The following KIAA1328 variants were observed in gnomAD, a reference collection of about 807,000 sequenced individuals.
KIAA1328 encodes the protein KIAA1328.
In KIAA1328, 52 loss-of-function variants were observed where a neutral mutation model predicts 68.1. That is an observed-to-expected ratio of 0.76 (90% confidence interval 0.61 to 0.96). The LOEUF is 0.96. KIAA1328 is among the 40% of genes least tolerant of loss of function. KIAA1328 has a pLI of 0.00. For missense variants in KIAA1328, 641 were observed against 677.6 expected (o/e 0.95, Z 0.60); for synonymous variants, 232 against 239.4 (o/e 0.97, Z 0.28).
At chr18:37,116,677 A>G (rs1404548159) in intron 7 of KIAA1328, among the ~76,000 whole-genome samples, 4 of 152,210 alleles carry the variant, frequency 2.6e-5, no homozygotes, top group Non-Finnish European at 5.9e-5. Flanking sequence ...TAATTAAACT[A>G]AAGAGCTTCT....
At chr18:37,219,763 C>A (rs1037199049) in intron 9 of KIAA1328, among the ~76,000 whole-genome samples, 1 of 152,178 alleles carries the variant, frequency 6.6e-6, no homozygotes, top group East Asian at 1.9e-4. Flanking sequence ...AAAGGGAAGT[C>A]CCCCGACCCC....
chr18:36,867,114 T>A (rs185450999), intron 4 of KIAA1328, among the ~76,000 whole-genome samples: 1 of 152,272 alleles, frequency 6.6e-6, no homozygotes. Flanking sequence ...GCGTTGGAGG[T>A]GTGTCCTGGT....
At chr18:37,004,291 G>T (rs367688213) in intron 6 of KIAA1328, among the ~76,000 whole-genome samples, 1 of 151,624 alleles carries the variant, frequency 6.6e-6, no homozygotes, top group African/African-American at 2.4e-5. Flanking sequence ...TCCTTGTAGG[G>T]GTCTTTCACC....
chr18:37,197,652 C>A (rs2060029108), intron 9 of KIAA1328, among the ~76,000 whole-genome samples: 1 of 152,088 alleles, frequency 6.6e-6, no homozygotes, highest in South Asian at 2.1e-4. Flanking sequence ...TTCCTCTCTG[C>A]AGAATACTGA....
intron 6 of KIAA1328, among the ~76,000 whole-genome samples, chr18:36,982,881 T>C (rs1037150094): frequency 3.5e-4 from 53 of 152,108 alleles, no homozygotes; most frequent in African/African-American, 1.2e-3. Context: ...TGTTGTATGG[T>C]TTTTATCCTA....
chr18:36,931,051 T>C (rs1412078792), intron 5 of KIAA1328, among the ~76,000 whole-genome samples: 1 of 152,104 alleles, frequency 6.6e-6, no homozygotes, highest in Non-Finnish European at 1.5e-5. Flanking sequence ...TATTCCTCCA[T>C]TGATTGTGCA....
At chr18:37,132,295 A>C (rs889622990) in intron 7 of KIAA1328, among the ~76,000 whole-genome samples, 1 of 152,182 alleles carries the variant, frequency 6.6e-6, no homozygotes, top group African/African-American at 2.4e-5. Flanking sequence ...ATGTTACTTT[A>C]TCAGCTTGAT....
chr18:36,909,387 GT>G (rs1320848179), intron 5 of KIAA1328, among the ~76,000 whole-genome samples: 13 of 151,330 alleles, frequency 8.6e-5, no homozygotes, highest in Non-Finnish European at 8.8e-5. Flanking sequence ...GTGGTGTTTG[GT>G]TTTTTTGTCC....
At chr18:37,111,832 G>A (rs1009364866) in intron 7 of KIAA1328, among the ~76,000 whole-genome samples, 6 of 152,278 alleles carry the variant, frequency 3.9e-5, no homozygotes, top group South Asian at 4.1e-4. Flanking sequence ...CTAACATTGC[G>A]CTTTCCCAAC....
chr18:37,023,329 C>A (rs72890545), intron 6 of KIAA1328, among the ~76,000 whole-genome samples: 1 of 152,162 alleles, frequency 6.6e-6, no homozygotes, highest in Non-Finnish European at 1.5e-5. Context: ...ATGCTCCCAC[C>A]TCAGCCCCCC....
chr18:37,051,118 G>A (rs1323014128), intron 6 of KIAA1328, among the ~76,000 whole-genome samples: 4 of 151,928 alleles, frequency 2.6e-5, no homozygotes, highest in Non-Finnish European at 4.4e-5. Context: ...ATGATGTCTC[G>A]TCATTTTTAT....
intron 5 of KIAA1328, among the ~76,000 whole-genome samples, chr18:36,924,500 T>G (rs2050041856): frequency 6.6e-6 from 1 of 152,146 alleles, no homozygotes; most frequent in Non-Finnish European, 1.5e-5. Flanking sequence ...AGGACTTATG[T>G]GGGGAAAAGC....
chr18:37,150,767 G>C (rs1025501335), intron 7 of KIAA1328, among the ~76,000 whole-genome samples: 1 of 151,958 alleles, frequency 6.6e-6, no homozygotes, highest in African/African-American at 2.4e-5. Context: ...ATCTCAAACA[G>C]ATGCAGGAAA....
chr18:37,130,357 C>T (rs1352367405), intron 7 of KIAA1328, among the ~76,000 whole-genome samples: 2 of 152,182 alleles, frequency 1.3e-5, no homozygotes, highest in African/African-American at 2.4e-5. Context: ...CGGTGGCTCA[C>T]GCCTGTAATC....
At chr18:37,007,066 C>T (rs2053810548) in intron 6 of KIAA1328, among the ~76,000 whole-genome samples, 1 of 152,156 alleles carries the variant, frequency 6.6e-6, no homozygotes, top group Admixed American at 6.6e-5. Context: ...TTAAAAACAG[C>T]ACCAGCTGTC....
chr18:37,078,967 A>G, intron 7 of KIAA1328, among the ~76,000 whole-genome samples: 1 of 152,006 alleles, frequency 6.6e-6, no homozygotes, highest in Non-Finnish European at 1.5e-5. Flanking sequence ...TGACCCAGCA[A>G]TCCCATTACT....
At chr18:36,923,794 TAA>T (rs2050016563) in intron 5 of KIAA1328, 1 of 152,228 alleles carries the variant, frequency 6.6e-6, no homozygotes, top group African/African-American at 2.4e-5. Context: ...TGCCACATTT[TAA>T]GTTATCATTT....
intron 6 of KIAA1328, among the ~76,000 whole-genome samples, chr18:36,974,620 A>G (rs1267069921): frequency 6.6e-6 from 1 of 152,146 alleles, no homozygotes; most frequent in Non-Finnish European, 1.5e-5. Context: ...AAGTACATGT[A>G]TCTTTTTATG....
chr18:37,053,036 G>A (rs1394093850), intron 6 of KIAA1328, among the ~76,000 whole-genome samples: 2 of 152,094 alleles, frequency 1.3e-5, no homozygotes, highest in Admixed American at 6.6e-5. Context: ...AATAGCCAAA[G>A]CAGTCCTAAG....
Sources: allele counts gnomAD v4.1 joint callset (sites outside exome capture counted in the v4.1 genomes callset), GRCh38; gene constraint gnomAD v4.1.1; transcripts MANE v1.5; gene names NCBI Gene and HGNC (gene_info 2026-07-23, HGNC 2026-07-21).